The following CADM2 variants were observed in gnomAD, a reference collection of about 807,000 sequenced individuals.
CADM2 encodes the protein immunoglobulin superfamily member 4D.
CADM2 carries 12 observed loss-of-function variants against 49.8 expected under a neutral mutation model. The ratio of observed to expected loss-of-function variants is 0.24; its 90% CI spans 0.15 to 0.39. The LOEUF (loss-of-function observed/expected upper bound fraction) is 0.39, where lower values mean the gene tolerates loss of function less well. CADM2 is among the 10% of genes least tolerant of loss of function. The probability of loss-of-function intolerance (pLI) is 1.00; values close to 1 mark genes in which losing one functional copy is unlikely to be tolerated. For synonymous variants in CADM2, 214 were observed against 175.4 expected (o/e 1.22, Z -1.74); for missense variants, 378 against 492.3 (o/e 0.77, Z 2.20).
intron 1 of CADM2, among the ~76,000 whole-genome samples, chr3:85,565,627 A>T (rs971215807): frequency 6.6e-6 from 1 of 152,066 alleles, no homozygotes; most frequent in African/African-American, 2.4e-5. Context: ...AGTCTCTCTA[A>T]GAGGAAAAAA....
rs534525891 is a variant in CADM2 at position 85,028,448 on chromosome 3, G to A, written c.61+68780G>A. Among the ~76,000 whole-genome samples the A allele has an allele frequency of 2.6e-5, 4 of 152,018 alleles. No homozygotes were observed. In the East Asian group the frequency reaches 5.8e-4, roughly 22 times the overall value. ...TATAAACCATGCTATTTAGAAATTT[G>A]TTGTTTTATGTTAGAACTAAGAAAA... On this transcript the variant is annotated intron_variant, in intron 1 of 9. Coordinates refer to ENST00000383699, the MANE Select transcript of CADM2 (RefSeq NM_001167675.2).
chr3:85,303,131 CGTA>C (rs1559768982), intron 1 of CADM2, among the ~76,000 whole-genome samples: 2 of 151,938 alleles, frequency 1.3e-5, no homozygotes, highest in South Asian at 4.1e-4. Context: ...GCACTTTTCT[CGTA>C]GTATTAATTG....
intron 1 of CADM2, among the ~76,000 whole-genome samples, chr3:84,972,738 T>G (rs1400492899): frequency 1.3e-5 from 2 of 152,210 alleles, no homozygotes; most frequent in Admixed American, 6.5e-5. Flanking sequence ...CATTCGTTGA[T>G]TCATTTATCA....
intron 1 of CADM2, among the ~76,000 whole-genome samples, chr3:85,513,729 CATGAT>C (rs1216574004): frequency 1.3e-5 from 2 of 151,938 alleles, no homozygotes; most frequent in African/African-American, 4.8e-5. Context: ...TTCTAGACTG[CATGAT>C]ATATGTTCCT....
At chr3:85,131,360 A>G (rs1266766979) in intron 1 of CADM2, among the ~76,000 whole-genome samples, 2 of 152,222 alleles carry the variant, frequency 1.3e-5, no homozygotes, top group African/African-American at 4.8e-5. Flanking sequence ...CTCTATAGTT[A>G]AGACCTCAAT....
At chr3:85,456,674 T>C (rs1394696879) in intron 1 of CADM2, among the ~76,000 whole-genome samples, 1 of 152,106 alleles carries the variant, frequency 6.6e-6, no homozygotes, top group Non-Finnish European at 1.5e-5. Flanking sequence ...TGGTTTCTAA[T>C]ATCAATTTCA....
intron 2 of CADM2, among the ~76,000 whole-genome samples, chr3:85,750,357 T>C (rs9309989): frequency 0.14 from 21,997 of 152,060 alleles, 1,814 homozygotes; most frequent in African/African-American, 0.22. Flanking sequence ...AAATTTGTCA[T>C]TTATTCATCT....
intron 1 of CADM2, among the ~76,000 whole-genome samples, chr3:85,062,028 T>C (rs1047490555): frequency 4.6e-5 from 7 of 151,654 alleles, no homozygotes; most frequent in Admixed American, 3.3e-4. Flanking sequence ...TCTCTGTCTC[T>C]GTCTCTCTGT....
intron 1 of CADM2, among the ~76,000 whole-genome samples, chr3:85,601,173 T>TATATACACAC (rs1469920736): frequency 2.0e-5 from 2 of 99,452 alleles, no homozygotes; most frequent in African/African-American, 9.7e-5. Flanking sequence ...TATATATATA[T>TATATACACAC]ACACACACAC....
chr3:85,530,348 T>TTTTTTTTTTTTGGGG (rs2061274209), intron 1 of CADM2, among the ~76,000 whole-genome samples: 1 of 126,240 alleles, frequency 7.9e-6, no homozygotes, highest in African/African-American at 2.7e-5. Flanking sequence ...TTTTTTTTTT[T>TTTTTTTTTTTTGGGG]GAGACGGAGT....
chr3:85,878,284 T>TTTTA (rs1712217487), intron 3 of CADM2, among the ~76,000 whole-genome samples: 2 of 151,966 alleles, frequency 1.3e-5, no homozygotes, highest in African/African-American at 4.8e-5. Flanking sequence ...AGCATAGGAG[T>TTTTA]TTTACCTCAT....
At chr3:85,322,559 A>G (rs949518260) in intron 1 of CADM2, among the ~76,000 whole-genome samples, 1 of 152,256 alleles carries the variant, frequency 6.6e-6, no homozygotes, top group Non-Finnish European at 1.5e-5. Flanking sequence ...ACCAGGCTCA[A>G]GAAATTATTA....
chr3:85,808,925 G>C (rs2072633822), intron 3 of CADM2, among the ~76,000 whole-genome samples: 2 of 152,118 alleles, frequency 1.3e-5, no homozygotes, highest in Non-Finnish European at 2.9e-5. Flanking sequence ...CAGAATTGGA[G>C]GTACAGGTTC....
chr3:85,011,000 A>T (rs1006668286), intron 1 of CADM2, among the ~76,000 whole-genome samples: 2 of 151,022 alleles, frequency 1.3e-5, no homozygotes, highest in African/African-American at 4.9e-5. Context: ...AGTAGCTGGG[A>T]CTACAGGCGC....
intron 1 of CADM2, among the ~76,000 whole-genome samples, chr3:85,268,313 A>G (rs1435242632): frequency 1.3e-5 from 2 of 151,462 alleles, no homozygotes; most frequent in East Asian, 3.9e-4. Flanking sequence ...AATTTAAACT[A>G]TATTTGGATT....
intron 5 of CADM2, among the ~76,000 whole-genome samples, chr3:85,908,980 TC>T (rs1377532776): frequency 6.6e-6 from 1 of 152,124 alleles, no homozygotes. Flanking sequence ...CACCTCGGCC[TC>T]CCAAAGTGCT....
intron 1 of CADM2, among the ~76,000 whole-genome samples, chr3:85,619,193 A>C (rs995351322): frequency 1.3e-5 from 2 of 152,300 alleles, no homozygotes; most frequent in Admixed American, 1.3e-4. Context: ...ATGCGGATTG[A>C]TAGTCAGTAG....
intron 1 of CADM2, among the ~76,000 whole-genome samples, chr3:85,178,541 A>G (rs936450396): frequency 2.6e-5 from 4 of 151,896 alleles, no homozygotes; most frequent in African/African-American, 9.7e-5. Context: ...ATGGAGGCCC[A>G]TGTATTACAT....
chr3:85,627,622 G>T (rs1286656013), intron 1 of CADM2, among the ~76,000 whole-genome samples: 1 of 151,910 alleles, frequency 6.6e-6, no homozygotes, highest in Non-Finnish European at 1.5e-5. Context: ...CTCAAACAAA[G>T]ATAACTATGG....
Sources: allele counts gnomAD v4.1 joint callset (sites outside exome capture counted in the v4.1 genomes callset), GRCh38; gene constraint gnomAD v4.1.1; transcripts MANE v1.5; gene names NCBI Gene and HGNC (gene_info 2026-07-23, HGNC 2026-07-21).